PPP2R2B: variants seen among roughly 807,000 people sequenced by gnomAD.
PPP2R2B encodes the protein serine/threonine-protein phosphatase 2A 55 kDa regulatory subunit B beta isoform.
A neutral mutation model predicts 46.0 loss-of-function variants in PPP2R2B; 5 were observed. That is an observed-to-expected ratio of 0.11 (90% CI 0.06 to 0.23). PPP2R2B has a LOEUF of 0.23. Ranked by LOEUF, PPP2R2B falls within the 10% of genes least tolerant of loss-of-function variation. The probability of loss-of-function intolerance (pLI) is 1.00; values close to 1 mark genes in which losing one functional copy is unlikely to be tolerated. For synonymous variants in PPP2R2B, 215 were observed against 206.7 expected (o/e 1.04, Z -0.34); for missense variants, 367 against 575.0 (o/e 0.64, Z 3.70).
rs144237605 is a variant in PPP2R2B at position 146,899,987 on chromosome 5, A to G, written c.79+155678T>C. ...ATTGTCACTGGAAAATTTCTTCAAC[A>G]TTGGTCCCTAAAAAACAATGAAATG... On this transcript the variant is annotated intron_variant, in intron 1 of 8. Coordinates refer to the PPP2R2B transcript ENST00000336640. Among the ~76,000 whole-genome samples, 470 of 152,322 alleles carry G rather than the reference A, an allele frequency of 3.1e-3. 2 individuals are homozygous for G. The highest frequency in any genetic ancestry group is 0.011 in the African/African-American group (462 of 41,574).
chr5:146,885,761 A>G (rs1319653207), intron 1 of PPP2R2B, among the ~76,000 whole-genome samples: 1 of 152,234 alleles, frequency 6.6e-6, no homozygotes, highest in African/African-American at 2.4e-5. Context: ...AAAATGTTAT[A>G]TGTCCATACA....
intron 1 of PPP2R2B, among the ~76,000 whole-genome samples, chr5:146,900,715 T>C (rs1004065024): frequency 6.6e-6 from 1 of 151,990 alleles, no homozygotes; most frequent in Non-Finnish European, 1.5e-5. Flanking sequence ...TGATTTGCTG[T>C]GCCCATCAAC....
intron 2 of PPP2R2B, among the ~76,000 whole-genome samples, chr5:146,838,953 C>T (rs1388121080): frequency 6.6e-6 from 1 of 152,172 alleles, no homozygotes; most frequent in East Asian, 1.9e-4. Flanking sequence ...AAGTGAATGT[C>T]CATCCTCCCT....
rs1413268032 is a variant in PPP2R2B at position 146,584,066 on chromosome 5, C to T, written c.*5881G>A. 6.6e-6 allele frequency: 1 copy of T among 152,334 alleles called. No homozygotes were observed. The highest frequency in any genetic ancestry group is 1.5e-5 in the Non-Finnish European group (1 of 68,170). The allele number at this position is 152,334 out of a possible 1,614,324, so 9.4% of individuals were successfully genotyped here. The stretch of plus-strand genomic sequence containing the variant: ...GAGCTGTTCAGTGGGCACTGTTCAC[C>T]CAGGAAAACCCAGGTTGACTTTTTG... On this transcript the variant is annotated 3_prime_UTR_variant, in exon 10 of 10. Coordinates refer to ENST00000394411, the MANE Select transcript of PPP2R2B (RefSeq NM_181675.4).
intron 1 of PPP2R2B, among the ~76,000 whole-genome samples, chr5:146,890,069 C>T (rs1253206247): frequency 6.6e-6 from 1 of 152,184 alleles, no homozygotes; most frequent in Non-Finnish European, 1.5e-5. Flanking sequence ...TGTTTTGCGT[C>T]ATATGCACCA....
intron 9 of PPP2R2B, among the ~76,000 whole-genome samples, chr5:146,591,769 A>G (rs1371183145): frequency 1.3e-5 from 2 of 151,708 alleles, no homozygotes; most frequent in Admixed American, 6.6e-5. Context: ...TTAGGATTCA[A>G]ACTCTAAACT....
chr5:146,607,206 A>G (rs1772376366), intron 7 of PPP2R2B: 1 of 152,162 alleles, frequency 6.6e-6, no homozygotes, highest in Admixed American at 6.5e-5. Flanking sequence ...ACGGCCAACA[A>G]TTTTCCCACA....
In PPP2R2B at chr5:146,701,248, C is replaced by T. The variant is rs1280457220; in HGVS notation, c.71-106G>A. 4 of 1,015,848 alleles carry T rather than the reference C, an allele frequency of 3.9e-6. No individual in the cohort carries two copies. The Admixed American group carries it at 6.8e-5, about 17-fold the overall frequency. 62.9% of individuals were successfully genotyped at this position (1,015,848 alleles called of 1,614,324 possible). On this transcript the variant is annotated intron_variant, in intron 2 of 9. Transcript: ENST00000394411. ...CATTTAAGGGCTTAGGGCTTTGTCT[C>T]TGCAGTGGAATTTACAAGGATGTTA...
chr5:146,696,272 T>G (rs1213689409), intron 4 of PPP2R2B, among the ~76,000 whole-genome samples: 1 of 151,980 alleles, frequency 6.6e-6, no homozygotes, highest in Non-Finnish European at 1.5e-5. Flanking sequence ...CCCGGCTAAT[T>G]TTTTTGTATT....
At chr5:146,731,537 T>C (rs773161802) in intron 2 of PPP2R2B, among the ~76,000 whole-genome samples, 10 of 152,198 alleles carry the variant, frequency 6.6e-5, no homozygotes, top group Non-Finnish European at 1.3e-4. Flanking sequence ...CCGTAGAGTT[T>C]AACTGACTAA....
At chr5:146,944,919 A>G (rs1342974926) in intron 1 of PPP2R2B, among the ~76,000 whole-genome samples, 2 of 152,280 alleles carry the variant, frequency 1.3e-5, no homozygotes, top group Admixed American at 6.5e-5. Flanking sequence ...TAGTGATTAG[A>G]TCAGCTTCTG....
intron 1 of PPP2R2B, among the ~76,000 whole-genome samples, chr5:146,896,957 C>T (rs527376886): frequency 6.6e-6 from 1 of 152,138 alleles, no homozygotes; most frequent in African/African-American, 2.4e-5. Flanking sequence ...TAATGATCCT[C>T]CTTGATTTAG....
At position 146,589,548 on chromosome 5, in the gene PPP2R2B, A is replaced by C. The variant is rs1770387793; in HGVS notation, c.*399T>G. 1 of 161,642 alleles carries C rather than the reference A, an allele frequency of 6.2e-6. No homozygotes were observed. Among genetic ancestry groups the C allele is most frequent in the Non-Finnish European group, 1.4e-5 (1 of 73,966 alleles). The allele number at this position is 161,642 out of a possible 1,614,324, so 10.0% of individuals were successfully genotyped here. On this transcript the variant is annotated 3_prime_UTR_variant, in exon 10 of 10. Transcript: ENST00000394411. ...TGTTTATTTTTTGTTGATTTTTTTCAATCAAATGGAATTGCTTAATTAAAA... is the reference window on the plus strand; with the variant it reads ...TGTTTATTTTTTGTTGATTTTTTTCCATCAAATGGAATTGCTTAATTAAAA...
intron 2 of PPP2R2B, among the ~76,000 whole-genome samples, chr5:146,728,532 T>C (rs187421132): frequency 6.6e-6 from 1 of 152,168 alleles, no homozygotes; most frequent in South Asian, 2.1e-4. Context: ...TTTGCTCTCC[T>C]GTCTTCGTGT....
At chr5:147,018,916 C>T (rs998734119) in intron 1 of PPP2R2B, among the ~76,000 whole-genome samples, 3 of 152,154 alleles carry the variant, frequency 2.0e-5, no homozygotes, top group African/African-American at 2.4e-5. Flanking sequence ...AAAACTCCCT[C>T]TTGGCCAGTT....
At chr5:146,686,380 C>T (rs1778501817) in intron 5 of PPP2R2B, among the ~76,000 whole-genome samples, 2 of 152,098 alleles carry the variant, frequency 1.3e-5, no homozygotes, top group South Asian at 4.2e-4. Context: ...CCATAGGATA[C>T]CCTAGGAGGG....
chr5:146,995,502 A>G (rs1338022343), intron 1 of PPP2R2B, among the ~76,000 whole-genome samples: 1 of 152,214 alleles, frequency 6.6e-6, no homozygotes, highest in Non-Finnish European at 1.5e-5. Context: ...CAGGAATGAT[A>G]TGGGAATTTC....
At chr5:146,815,071 G>A (rs446421) in intron 2 of PPP2R2B, among the ~76,000 whole-genome samples, 25,459 of 152,154 alleles carry the variant, frequency 0.17, 2,445 homozygotes, top group African/African-American at 0.26. Context: ...AAGGAGACAT[G>A]GAAGCCATCT....
upstream of PPP2R2B, among the ~76,000 whole-genome samples, chr5:146,881,940 C>T (rs1762180802): frequency 6.6e-6 from 1 of 151,972 alleles, no homozygotes; most frequent in Admixed American, 6.6e-5. Context: ...TCGATTTATT[C>T]CTGTATGCAT....
Sources: allele counts gnomAD v4.1 joint callset (sites outside exome capture counted in the v4.1 genomes callset), GRCh38; gene constraint gnomAD v4.1.1; transcripts MANE v1.5; gene names NCBI Gene and HGNC (gene_info 2026-07-23, HGNC 2026-07-21).